CSMD1: variants seen among roughly 807,000 people sequenced by gnomAD.
CSMD1 encodes CUB and sushi domain-containing protein 1.
CSMD1 carries 213 observed loss-of-function variants against 417.5 expected under a neutral mutation model. The observed-to-expected ratio is 0.51, with a 90% confidence interval of 0.46 to 0.57. The LOEUF is 0.57. Ranked by LOEUF, CSMD1 falls within the 20% of genes least tolerant of loss-of-function variation. The pLI, the probability that CSMD1 is intolerant of heterozygous loss-of-function variation, is 0.00. For synonymous variants in CSMD1, 2,862 were observed against 1,736.8 expected (o/e 1.65, Z -16.11); for missense variants, 6,923 against 4,529.7 (o/e 1.53, Z -15.17).
At chr8:3,988,279 T>A (rs1388032860) in intron 5 of CSMD1, among the ~76,000 whole-genome samples, 1 of 152,182 alleles carries the variant, frequency 6.6e-6, no homozygotes, top group Non-Finnish European at 1.5e-5. Flanking sequence ...CAGAAGGCCA[T>A]TATAAACATC....
At chr8:4,164,400 A>G (rs1302877859) in intron 3 of CSMD1, among the ~76,000 whole-genome samples, 2 of 152,286 alleles carry the variant, frequency 1.3e-5, no homozygotes, top group South Asian at 2.1e-4. Flanking sequence ...ACATTCAGGT[A>G]AGTGATGCTA....
chr8:4,030,013 G>A (rs1051815537), intron 4 of CSMD1, among the ~76,000 whole-genome samples: 5 of 152,176 alleles, frequency 3.3e-5, no homozygotes, highest in African/African-American at 1.2e-4. Flanking sequence ...TCATGCTGAT[G>A]CAAGAGGTGA....
At chr8:4,194,363 T>C (rs1225399437) in intron 3 of CSMD1, among the ~76,000 whole-genome samples, 3 of 152,190 alleles carry the variant, frequency 2.0e-5, no homozygotes, top group African/African-American at 7.2e-5. Flanking sequence ...ATTTGCCATG[T>C]TGATATTGCT....
chr8:4,915,636 C>T (rs563997292), intron 1 of CSMD1, among the ~76,000 whole-genome samples: 1 of 152,208 alleles, frequency 6.6e-6, no homozygotes, highest in African/African-American at 2.4e-5. Context: ...CAGTTCCCAA[C>T]CTTCACACCC....
chr8:4,324,254 G>T (rs1399952919), intron 3 of CSMD1, among the ~76,000 whole-genome samples: 1 of 152,178 alleles, frequency 6.6e-6, no homozygotes, highest in Non-Finnish European at 1.5e-5. Context: ...AAGAATGTGA[G>T]TTCTGAGACC....
intron 3 of CSMD1, among the ~76,000 whole-genome samples, chr8:4,294,146 C>A (rs920749048): frequency 1.3e-5 from 2 of 152,114 alleles, no homozygotes; most frequent in Non-Finnish European, 2.9e-5. Flanking sequence ...CTGATTAACC[C>A]CGACCAGCAG....
chr8:4,410,524 G>C (rs577458508), intron 3 of CSMD1, among the ~76,000 whole-genome samples: 5 of 152,276 alleles, frequency 3.3e-5, no homozygotes, highest in South Asian at 4.1e-4. Flanking sequence ...GACAGAAAGA[G>C]ACTATTAGAC....
chr8:3,245,383 T>A (rs1351552429), intron 26 of CSMD1, among the ~76,000 whole-genome samples: 1 of 152,204 alleles, frequency 6.6e-6, no homozygotes, highest in African/African-American at 2.4e-5. Context: ...CTGCAGGAGA[T>A]AAAGGACCAG....
At chr8:3,932,714 A>C (rs957494259) in intron 5 of CSMD1, among the ~76,000 whole-genome samples, 1 of 150,558 alleles carries the variant, frequency 6.6e-6, no homozygotes, top group Non-Finnish European at 1.5e-5. Context: ...GTGGACTCTA[A>C]TGTTAATTGA....
Position 4,032,062 on chromosome 8 carries a change from G to C in CSMD1, c.453C>G (p.Ile151Met), listed in dbSNP as rs1344444549. 1.5e-5 allele frequency: 25 copies of C among 1,613,196 alleles called. No homozygotes were observed. The highest frequency in any genetic ancestry group is 1.7e-5 in the Admixed American group (1 of 59,958). Residue 151 changes from isoleucine (I) to methionine (M), a missense_variant, in exon 4 of 70, where the codon ATC becomes ATG. Transcript: ENST00000635120. ...TCGTTCCATGCAGAACTCCTTTCAG[G>C]ATTTCTCCAGGATTTCCACAAGTGT... ...PSHTCGNPGEILKGVLHGTRF... is the reference protein window; with the variant it reads ...PSHTCGNPGEMLKGVLHGTRF...
At chr8:4,453,541 G>C (rs866067483) in intron 2 of CSMD1, among the ~76,000 whole-genome samples, 1 of 152,144 alleles carries the variant, frequency 6.6e-6, no homozygotes. Flanking sequence ...GAACACAGCC[G>C]ACAGAATAAC....
intron 3 of CSMD1, among the ~76,000 whole-genome samples, chr8:4,391,832 G>A (rs1261307198): frequency 6.6e-6 from 1 of 152,124 alleles, no homozygotes; most frequent in Non-Finnish European, 1.5e-5. Context: ...GCTTGTTCTG[G>A]CAAACCTGAG....
At chr8:3,729,787 C>T (rs1361657933) in intron 6 of CSMD1, among the ~76,000 whole-genome samples, 1 of 151,926 alleles carries the variant, frequency 6.6e-6, no homozygotes, top group Non-Finnish European at 1.5e-5. Flanking sequence ...GATAGATATC[C>T]TGATGACCAT....
chr8:4,485,751 C>T (rs1353408148), intron 2 of CSMD1, among the ~76,000 whole-genome samples: 1 of 152,188 alleles, frequency 6.6e-6, no homozygotes, highest in Non-Finnish European at 1.5e-5. Flanking sequence ...AATCCAATGG[C>T]TTTACTTTTC....
intron 2 of CSMD1, among the ~76,000 whole-genome samples, chr8:4,421,456 A>G (rs892244349): frequency 2.6e-5 from 4 of 152,152 alleles, no homozygotes; most frequent in Non-Finnish European, 5.9e-5. Context: ...CTCAAACTAT[A>G]TAAAATAACT....
At chr8:4,940,202 C>G (rs1344645730) in intron 1 of CSMD1, among the ~76,000 whole-genome samples, 1 of 152,104 alleles carries the variant, frequency 6.6e-6, no homozygotes, top group East Asian at 1.9e-4. Context: ...TTAAGAAGAT[C>G]CTGGCCACCC....
At chr8:3,689,620 A>T (rs1332165716) in intron 7 of CSMD1, among the ~76,000 whole-genome samples, 3 of 152,140 alleles carry the variant, frequency 2.0e-5, no homozygotes, top group Non-Finnish European at 1.5e-5. Flanking sequence ...AAATATTTAG[A>T]GTGTGCTTAC....
At chr8:3,466,179 T>C (rs1267325108) in intron 12 of CSMD1, among the ~76,000 whole-genome samples, 1 of 152,076 alleles carries the variant, frequency 6.6e-6, no homozygotes, top group Admixed American at 6.6e-5. Flanking sequence ...TTCAATAAAA[T>C]TATGAAGCAG....
At chr8:3,979,926 C>T (rs1461499996) in intron 5 of CSMD1, among the ~76,000 whole-genome samples, 5 of 152,282 alleles carry the variant, frequency 3.3e-5, no homozygotes, top group African/African-American at 1.2e-4. Flanking sequence ...GACCCTTTGT[C>T]CTCAATAATA....
Sources: gnomAD v4.1 joint callset for allele counts (sites outside exome capture counted in the v4.1 genomes callset) on GRCh38, gnomAD v4.1.1 for gene constraint, MANE v1.5 for transcripts, NCBI Gene and HGNC (gene_info 2026-07-23, HGNC 2026-07-21) for gene names.